NIPBL: variants seen among roughly 807,000 people sequenced by gnomAD.
The protein encoded by NIPBL is nipped-B-like protein.
In NIPBL, 19 loss-of-function variants were observed where a neutral mutation model predicts 321.8. The ratio of observed to expected loss-of-function variants is 0.06; its 90% CI spans 0.04 to 0.09. The LOEUF (loss-of-function observed/expected upper bound fraction) is 0.09. Among genes scored for constraint, NIPBL ranks in the 10% least tolerant of loss-of-function variants. The pLI is 1.00. For missense variants in NIPBL, 2,210 were observed against 3,327.0 expected, an observed-to-expected ratio of 0.66 and a Z score of 8.26; for synonymous variants, 1,106 against 1,114.1, an observed-to-expected ratio of 0.99 and a Z score of 0.14.
At chr5:37,019,145 A>G (rs1351823513) in intron 24 of NIPBL, among the ~76,000 whole-genome samples, 166 bp from the exon 25 acceptor site, 1 of 152,182 alleles carries the variant, frequency 6.6e-6, no homozygotes, top group Non-Finnish European at 1.5e-5. Context: ...CTATCAATAT[A>G]TAATATTTTT....
At chr5:37,028,776 A>G (rs892716413) in intron 32 of NIPBL, among the ~76,000 whole-genome samples, 3 of 152,178 alleles carry the variant, frequency 2.0e-5, no homozygotes, top group African/African-American at 7.2e-5. Context: ...TTCCATAACT[A>G]ATACCTATTC....
chr5:37,015,927 C>A, intron 22 of NIPBL, 111 bp from the exon 23 acceptor site: 1 of 999,402 alleles, frequency 1.0e-6, no homozygotes, highest in Non-Finnish European at 1.5e-6. Context: ...TATTTTGTTA[C>A]TAAACATAGA....
intron 1 of NIPBL, among the ~76,000 whole-genome samples, chr5:36,931,104 C>T (rs922022313): frequency 2.0e-5 from 3 of 152,076 alleles, no homozygotes; most frequent in African/African-American, 7.2e-5. Flanking sequence ...TTATATATTT[C>T]ATAAAAATCA....
intron 32 of NIPBL, among the ~76,000 whole-genome samples, chr5:37,031,564 G>T (rs899103318): frequency 1.3e-5 from 2 of 152,162 alleles, no homozygotes; most frequent in African/African-American, 4.8e-5. Flanking sequence ...AATTACTTAA[G>T]ATCTAAGACT....
intron 19 of NIPBL, 38 bp from the exon 20 acceptor site, chr5:37,008,585 T>C (rs376965434): frequency 5.7e-6 from 6 of 1,052,168 alleles, no homozygotes; most frequent in Non-Finnish European, 8.9e-6. Context: ...TTGTTTTCTA[T>C]TATAAGTTTA....
chr5:36,912,194 T>G (rs909313343), intron 1 of NIPBL, among the ~76,000 whole-genome samples: 1 of 152,132 alleles, frequency 6.6e-6, no homozygotes, highest in Non-Finnish European at 1.5e-5. Context: ...ATTGATAGGC[T>G]TGGTGCCTTA....
At chr5:37,004,094 A>G (rs1747137813) in intron 16 of NIPBL, among the ~76,000 whole-genome samples, 1 of 152,154 alleles carries the variant, frequency 6.6e-6, no homozygotes, top group African/African-American at 2.4e-5. Context: ...GGGTTGTTCA[A>G]AGGATTAAAG....
At chr5:37,020,188 T>C (rs370759246) in intron 25 of NIPBL, among the ~76,000 whole-genome samples, 2 of 152,254 alleles carry the variant, frequency 1.3e-5, no homozygotes, top group Admixed American at 6.5e-5. Flanking sequence ...AAGTAGTTGA[T>C]AATAGTATTC....
intron 6 of NIPBL, among the ~76,000 whole-genome samples, chr5:36,967,035 G>A (rs979141826): frequency 6.6e-6 from 1 of 151,650 alleles, no homozygotes; most frequent in Non-Finnish European, 1.5e-5. Flanking sequence ...CAAATATGGG[G>A]GATATATGCA....
chr5:36,898,218 T>C (rs1746924901), intron 1 of NIPBL, among the ~76,000 whole-genome samples: 1 of 152,216 alleles, frequency 6.6e-6, no homozygotes, highest in Non-Finnish European at 1.5e-5. Context: ...TCATATACTA[T>C]AAAGTATGCT....
intron 43 of NIPBL, among the ~76,000 whole-genome samples, chr5:37,057,608 G>T (rs1413294740): frequency 6.6e-6 from 1 of 152,120 alleles, no homozygotes; most frequent in Non-Finnish European, 1.5e-5. Context: ...TTAAGTGTTT[G>T]CATCCATTCA....
intron 18 of NIPBL, among the ~76,000 whole-genome samples, 176 bp downstream of exon 18, chr5:37,007,650 T>A (rs1747600883): frequency 6.6e-6 from 1 of 151,996 alleles, no homozygotes; most frequent in African/African-American, 2.4e-5. Flanking sequence ...AGACATTTTA[T>A]CAGGAGACAA....
At position 37,064,512 on chromosome 5, in the gene NIPBL, CT is replaced by C. The variant is rs768735311; in HGVS notation, c.8050-14del. 3.7e-6 allele frequency: 6 copies of C among 1,610,504 alleles called. No homozygotes were observed. The South Asian group carries it at 4.4e-5, about 12-fold the overall frequency. ...TGTAACACTTGGTCTTTTTTCCCCCCTCCCAATGTTTTAGTCATTGAGAAGG... is the reference window on the plus strand; with the variant it reads ...TGTAACACTTGGTCTTTTTTCCCCCCCCCAATGTTTTAGTCATTGAGAAGG... On this transcript the variant is annotated splice_polypyrimidine_tract_variant and intron_variant, in intron 46 of 46. Coordinates refer to ENST00000282516, the MANE Select transcript of NIPBL (RefSeq NM_133433.4).
Position 37,047,809 on chromosome 5 carries a change from T to C in NIPBL, c.6590-693T>C, listed in dbSNP as rs137965281. On this transcript the variant is annotated intron_variant, in intron 38 of 46. Coordinates refer to ENST00000282516, the MANE Select transcript of NIPBL (RefSeq NM_133433.4). Reference sequence around the variant, plus strand: ...CAATAATACTTGCTATCATCAGAGATCTTCATTTTTTCCTCAAATAAACAT... The same window carrying C: ...CAATAATACTTGCTATCATCAGAGACCTTCATTTTTTCCTCAAATAAACAT... Among the ~76,000 whole-genome samples the C allele has an allele frequency of 2.6e-5, 4 of 152,306 alleles. No homozygotes were observed. The East Asian group carries it at 7.7e-4, about 29-fold the overall frequency.
intron 30 of NIPBL, among the ~76,000 whole-genome samples, chr5:37,025,256 A>G (rs2149703085): frequency 6.6e-6 from 1 of 152,344 alleles, no homozygotes; most frequent in South Asian, 2.1e-4. Flanking sequence ...ATCTCAAAAA[A>G]TGTGCATGTG....
intron 38 of NIPBL, among the ~76,000 whole-genome samples, chr5:37,047,512 G>GAT (rs1329134472): frequency 6.6e-5 from 10 of 152,220 alleles, no homozygotes; most frequent in African/African-American, 1.9e-4. Flanking sequence ...CATTTACTAA[G>GAT]GAGTTAAATT....
intron 3 of NIPBL, 57 bp from the exon 4 acceptor site, chr5:36,958,047 G>T: frequency 6.5e-7 from 1 of 1,532,340 alleles, no homozygotes; most frequent in Non-Finnish European, 9.0e-7. Flanking sequence ...TATATGATAA[G>T]TCTTCTTAAG....
intron 10 of NIPBL, among the ~76,000 whole-genome samples, chr5:36,987,217 C>T (rs753666970): frequency 6.6e-6 from 1 of 152,054 alleles, no homozygotes; most frequent in Non-Finnish European, 1.5e-5. Flanking sequence ...GGCAATAGAA[C>T]TGAGAGTTTA....
intron 43 of NIPBL, 88 bp from the exon 44 acceptor site, chr5:37,058,803 A>G: frequency 8.6e-7 from 1 of 1,165,826 alleles, no homozygotes; most frequent in South Asian, 1.4e-5. Flanking sequence ...TAGTTTAAGG[A>G]AGCTTTTTCA....
Sources: gnomAD v4.1 joint callset for allele counts (sites outside exome capture counted in the v4.1 genomes callset) on GRCh38, gnomAD v4.1.1 for gene constraint, MANE v1.5 for transcripts, NCBI Gene and HGNC (gene_info 2026-07-23, HGNC 2026-07-21) for gene names.